Variants in ERC1 observed in about 807,000 individuals in gnomAD.
The protein encoded by ERC1 is ELKS/RAB6-interacting/CAST family member 1.
ERC1 carries 56 observed loss-of-function variants against 132.0 expected under a neutral mutation model. That is an observed-to-expected ratio of 0.42 (90% confidence interval 0.34 to 0.53). The LOEUF (loss-of-function observed/expected upper bound fraction) is 0.53. Ranked by LOEUF, ERC1 falls within the 20% of genes least tolerant of loss-of-function variation. ERC1 has a pLI of 0.03. For synonymous variants in ERC1, 478 were observed against 476.1 expected, an observed-to-expected ratio of 1.00 and a Z score of -0.05; for missense variants, 1,202 against 1,349.9, an observed-to-expected ratio of 0.89 and a Z score of 1.72.
At chr12:1,340,955 G>T (rs2083779673) in intron 15 of ERC1, among the ~76,000 whole-genome samples, 1 of 151,448 alleles carries the variant, frequency 6.6e-6, no homozygotes, top group Admixed American at 6.6e-5. Context: ...ATTCTAAGGG[G>T]TACATTGCCA....
chr12:1,110,385 T>G (rs1308386501), intron 5 of ERC1, 38 bp downstream of exon 5: 16 of 1,533,744 alleles, frequency 1.0e-5, no homozygotes, highest in Non-Finnish European at 1.3e-5. Flanking sequence ...TAAAAGGAGT[T>G]TGAAAAATTG....
intron 16 of ERC1, among the ~76,000 whole-genome samples, chr12:1,375,303 A>G (rs1305864006): frequency 6.6e-6 from 1 of 152,200 alleles, no homozygotes; most frequent in Non-Finnish European, 1.5e-5. Context: ...ACTGCCACAC[A>G]CTTTTCAACC....
intron 3 of ERC1, 44 bp downstream of exon 3, chr12:1,083,624 T>C (rs1352143339): frequency 1.4e-6 from 2 of 1,446,084 alleles, no homozygotes; most frequent in South Asian, 1.3e-5. Flanking sequence ...TGGTTATCTT[T>C]TTTTTCACTG....
intron 15 of ERC1, among the ~76,000 whole-genome samples, chr12:1,356,585 C>T (rs2085562291): frequency 6.6e-6 from 1 of 152,082 alleles, no homozygotes; most frequent in South Asian, 2.1e-4. Context: ...AAATTAAAAA[C>T]AAAAACACTT....
intron 15 of ERC1, among the ~76,000 whole-genome samples, chr12:1,296,761 T>G (rs527980633): frequency 1.3e-5 from 2 of 152,250 alleles, no homozygotes; most frequent in Admixed American, 1.3e-4. Context: ...AACTTCAAAA[T>G]AGATCAATTG....
rs548028661 is a variant in ERC1, at chr12:1,230,135, T to G, written c.2352-6634T>G. Among the ~76,000 whole-genome samples, 142 of 151,522 alleles carry G rather than the reference T, an allele frequency of 9.4e-4. 1 individual carries two copies. The highest frequency in any genetic ancestry group is 3.4e-3 in the Middle Eastern group (1 of 294). On this transcript the variant is annotated intron_variant, in intron 12 of 18. Coordinates refer to ENST00000360905, the MANE Select transcript of ERC1 (RefSeq NM_178040.4). ...GATTCTCCTGCCTCAGCCTCCTGAG[T>G]AGCTGGGATTACAGGCATGTGCCAC...
intron 14 of ERC1, among the ~76,000 whole-genome samples, chr12:1,279,222 A>G (rs1476950685): frequency 6.6e-6 from 1 of 152,140 alleles, no homozygotes; most frequent in Non-Finnish European, 1.5e-5. Flanking sequence ...CTTCCTCTAT[A>G]ATTTTACCAG....
At chr12:1,032,036 C>G (rs1009776499) in intron 2 of ERC1, among the ~76,000 whole-genome samples, 2 of 151,638 alleles carry the variant, frequency 1.3e-5, no homozygotes, top group African/African-American at 4.8e-5. Context: ...TTTAGTAAAT[C>G]TAATCTAATT....
chr12:1,445,620 C>A (rs1284422789), intron 18 of ERC1, among the ~76,000 whole-genome samples: 1 of 152,190 alleles, frequency 6.6e-6, no homozygotes, highest in African/African-American at 2.4e-5. Context: ...CTGGTAACCA[C>A]CATTTTCCTC....
chr12:1,165,955 C>T (rs771899238), intron 8 of ERC1, among the ~76,000 whole-genome samples: 9 of 152,190 alleles, frequency 5.9e-5, no homozygotes, highest in Non-Finnish European at 1.0e-4. Flanking sequence ...TACAACCCCT[C>T]ATCCTCTGAC....
chr12:1,036,446 C>G (rs1969105289), intron 2 of ERC1, among the ~76,000 whole-genome samples: 1 of 150,760 alleles, frequency 6.6e-6, no homozygotes, highest in South Asian at 2.1e-4. Flanking sequence ...GCGATCTCGG[C>G]TCAGTGCAGC....
intron 12 of ERC1, 173 bp downstream of exon 12, chr12:1,190,225 G>A: frequency 1.3e-6 from 1 of 750,266 alleles, no homozygotes; most frequent in Non-Finnish European, 2.4e-6. Context: ...TTGTTGAGGT[G>A]TCTGAAAGGC....
intron 15 of ERC1, among the ~76,000 whole-genome samples, chr12:1,328,628 C>CT (rs1280136020): frequency 1.4e-5 from 2 of 141,936 alleles, no homozygotes. Context: ...CTCTCTTTCG[C>CT]TTCCCCCTCT....
At chr12:1,101,970 T>G (rs1944715843) in intron 3 of ERC1, among the ~76,000 whole-genome samples, 1 of 152,158 alleles carries the variant, frequency 6.6e-6, no homozygotes, top group Non-Finnish European at 1.5e-5. Context: ...CTCTGTGGAT[T>G]AGTGAAGGCT....
chr12:1,154,609 TAATC>T (rs1479526719), intron 8 of ERC1, among the ~76,000 whole-genome samples: 1 of 151,694 alleles, frequency 6.6e-6, no homozygotes, highest in Non-Finnish European at 1.5e-5. Flanking sequence ...GCAAAATAAA[TAATC>T]AAAAGAGTAA....
At chr12:1,275,950 T>G (rs939706354) in intron 14 of ERC1, among the ~76,000 whole-genome samples, 38 of 152,238 alleles carry the variant, frequency 2.5e-4, no homozygotes, top group Middle Eastern at 3.2e-3. Flanking sequence ...CCAGTCACTC[T>G]GGTACATTCT....
At chr12:1,315,585 A>C (rs2081631349) in intron 15 of ERC1, among the ~76,000 whole-genome samples, 1 of 152,126 alleles carries the variant, frequency 6.6e-6, no homozygotes, top group South Asian at 2.1e-4. Context: ...TCCTGACCTC[A>C]GGGGATCCGC....
Position 1,100,398 on chromosome 12 carries a change from C to T in ERC1, c.1087-4352C>T, listed in dbSNP as rs116295870. On this transcript the variant is annotated intron_variant, in intron 3 of 18. Transcript: ENST00000360905. ...ACTGTGACTTTTACTGTGAGTAAAA[C>T]GAGAAGCTTTTGATAATTGCAAGCA... 7.4e-3 allele frequency among the ~76,000 whole-genome samples: 1,128 copies of T among 152,220 alleles called. 12 individuals carry two copies. Among genetic ancestry groups the T allele is most frequent in the African/African-American group, 0.026 (1,063 of 41,532 alleles).
chr12:1,457,533 AAT>A (rs1039034903), intron 18 of ERC1, among the ~76,000 whole-genome samples: 6 of 152,188 alleles, frequency 3.9e-5, no homozygotes, highest in Non-Finnish European at 8.8e-5. Context: ...TCAAATATCT[AAT>A]ATATTATTTA....
Sources: allele counts gnomAD v4.1 joint callset (sites outside exome capture counted in the v4.1 genomes callset), GRCh38; gene constraint gnomAD v4.1.1; transcripts MANE v1.5; gene names NCBI Gene and HGNC (gene_info 2026-07-23, HGNC 2026-07-21).